THRB: variants seen among roughly 807,000 people sequenced by gnomAD.
THRB encodes the protein nuclear receptor subfamily 1 group A member 2.
THRB carries 12 observed loss-of-function variants against 47.8 expected under a neutral mutation model. That is an observed-to-expected ratio of 0.25 (90% CI 0.16 to 0.41). THRB has a LOEUF of 0.41. THRB is among the 10% of genes least tolerant of loss of function. The pLI, the probability that THRB is intolerant of heterozygous loss-of-function variation, is 1.00. For synonymous variants in THRB, 218 were observed against 212.2 expected (o/e 1.03, Z -0.24); for missense variants, 348 against 589.2 (o/e 0.59, Z 4.24).
chr3:24,320,357 G>T lies in THRB; in HGVS notation c.-189+16943C>A, dbSNP rs528295887. ...AATAAGAGTTGAACCGGATTATCAC[G>T]TGAGGAGCTGCAGAATTTCTTTTAC... On this transcript the variant is annotated intron_variant, in intron 2 of 10. Coordinates refer to ENST00000646209, the MANE Select transcript of THRB (RefSeq NM_001354712.2). 5.3e-5 allele frequency among the ~76,000 whole-genome samples: 8 copies of T among 152,278 alleles called. No homozygotes were observed. In the East Asian group the frequency reaches 1.4e-3, roughly 26 times the overall value.
chr3:24,411,606 G>T (rs775553467), intron 1 of THRB, among the ~76,000 whole-genome samples: 3 of 151,556 alleles, frequency 2.0e-5, no homozygotes, highest in African/African-American at 7.3e-5. Context: ...AATTTATTAC[G>T]CTACATGCTG....
At chr3:24,449,868 T>G (rs549121910) in intron 1 of THRB, among the ~76,000 whole-genome samples, 11 of 152,320 alleles carry the variant, frequency 7.2e-5, no homozygotes, top group African/African-American at 2.6e-4. Context: ...ACTTGGCTCT[T>G]AAGTTTTTAG....
At position 24,270,478 on chromosome 3, in the gene THRB, C is replaced by T. The variant is rs531052156; in HGVS notation, c.-43+26748G>A. On this transcript the variant is annotated intron_variant, in intron 3 of 10. Coordinates refer to ENST00000646209, the MANE Select transcript of THRB (RefSeq NM_001354712.2). ...GTTGCCATTTAATCAAGTGAGCCTGCAGGCTTAGGTGCTAACATTATGAGC... is the reference window on the plus strand; with the variant it reads ...GTTGCCATTTAATCAAGTGAGCCTGTAGGCTTAGGTGCTAACATTATGAGC... Among the ~76,000 whole-genome samples, 20 of 152,322 alleles carry T rather than the reference C, an allele frequency of 1.3e-4. No individual in the cohort carries two copies. In the South Asian group the frequency reaches 1.4e-3, roughly 11 times the overall value.
chr3:24,244,099 G>C (rs572272414), intron 3 of THRB, among the ~76,000 whole-genome samples: 12 of 152,108 alleles, frequency 7.9e-5, no homozygotes, highest in Non-Finnish European at 1.5e-4. Flanking sequence ...ATTGGTTTAA[G>C]GATGGGGAGT....
At chr3:24,273,267 A>T (rs1241193776) in intron 3 of THRB, among the ~76,000 whole-genome samples, 1 of 152,164 alleles carries the variant, frequency 6.6e-6, no homozygotes, top group Non-Finnish European at 1.5e-5. Flanking sequence ...AGTAGCTACA[A>T]TGTGTCAGGC....
At chr3:24,266,815 G>A (rs1358176945) in intron 3 of THRB, among the ~76,000 whole-genome samples, 1 of 152,016 alleles carries the variant, frequency 6.6e-6, no homozygotes, top group Non-Finnish European at 1.5e-5. Context: ...AATCTGGACA[G>A]ACCTTCCATA....
intron 2 of THRB, among the ~76,000 whole-genome samples, chr3:24,319,335 A>G (rs918295192): frequency 6.6e-6 from 1 of 152,260 alleles, no homozygotes; most frequent in Non-Finnish European, 1.5e-5. Flanking sequence ...TTACACAAGA[A>G]AATGAATAAA....
At chr3:24,429,562 G>T (rs1189335503) in intron 1 of THRB, among the ~76,000 whole-genome samples, 2 of 151,980 alleles carry the variant, frequency 1.3e-5, no homozygotes. Context: ...TATTGATTTG[G>T]GTGAAGACGA....
intron 1 of THRB, among the ~76,000 whole-genome samples, chr3:24,390,384 G>A (rs772915577): frequency 2.6e-5 from 4 of 152,086 alleles, no homozygotes; most frequent in Non-Finnish European, 5.9e-5. Context: ...GACTTACTAT[G>A]TTGATCAGCA....
intron 3 of THRB, among the ~76,000 whole-genome samples, chr3:24,286,643 C>T (rs1306466872): frequency 1.3e-5 from 2 of 152,250 alleles, no homozygotes; most frequent in Admixed American, 6.5e-5. Context: ...TCAAGCTCGA[C>T]GCATTTCACT....
At chr3:24,250,773 T>C (rs991208969) in intron 3 of THRB, among the ~76,000 whole-genome samples, 3 of 152,100 alleles carry the variant, frequency 2.0e-5, no homozygotes, top group Admixed American at 6.6e-5. Context: ...GGAAACACAA[T>C]AGTGGTTGTT....
At chr3:24,209,238 G>A (rs1186857208) in intron 4 of THRB, among the ~76,000 whole-genome samples, 7 of 152,218 alleles carry the variant, frequency 4.6e-5, no homozygotes, top group African/African-American at 1.4e-4. Flanking sequence ...GTGTTGGTGG[G>A]ACTGTAAACT....
chr3:24,271,312 ATC>A (rs1365131121), intron 3 of THRB, among the ~76,000 whole-genome samples: 5 of 152,208 alleles, frequency 3.3e-5, no homozygotes, highest in Admixed American at 6.5e-5. Context: ...TCTCTGTTCT[ATC>A]TCTCAGGATC....
intron 1 of THRB, among the ~76,000 whole-genome samples, chr3:24,361,413 TA>T (rs2149650244): frequency 6.6e-6 from 1 of 152,252 alleles, no homozygotes; most frequent in Admixed American, 6.5e-5. Context: ...GGAGAATGAA[TA>T]ATCTGTGCCT....
chr3:24,143,398 A>C lies in THRB; in HGVS notation c.738+103T>G. On this transcript the variant is annotated intron_variant, in intron 8 of 10. Transcript: ENST00000646209. ...AGAGCTACGGTTTCCCTATCAGTAA[A>C]ATGAGGCAATAACACCAGTATCCCA... is the stretch of plus-strand genomic sequence containing the variant. 4.3e-6 allele frequency: 5 copies of C among 1,155,852 alleles called. 1 individual carries two copies. Among genetic ancestry groups the C allele is most frequent in the Non-Finnish European group, 6.5e-6 (5 of 769,150 alleles). 71.6% of individuals were successfully genotyped at this position (1,155,852 alleles called of 1,614,324 possible). A position where few individuals can be genotyped will look rare whatever the true frequency, so the allele number is the denominator to read the frequency against.
At chr3:24,166,755 T>A (rs1318342324) in intron 5 of THRB, among the ~76,000 whole-genome samples, 1 of 152,136 alleles carries the variant, frequency 6.6e-6, no homozygotes, top group Non-Finnish European at 1.5e-5. Flanking sequence ...TTCCTGCTGG[T>A]CCATGAGCAT....
intron 3 of THRB, among the ~76,000 whole-genome samples, chr3:24,279,706 G>A (rs1358025933): frequency 6.6e-6 from 1 of 151,990 alleles, no homozygotes; most frequent in African/African-American, 2.4e-5. Context: ...AATGCAATGA[G>A]TTCTTGTTCT....
intron 2 of THRB, among the ~76,000 whole-genome samples, chr3:24,310,289 A>G (rs2057664612): frequency 6.6e-6 from 1 of 152,246 alleles, no homozygotes; most frequent in Admixed American, 6.5e-5. Flanking sequence ...ATAGGAAACG[A>G]TTTACCAATA....
rs559325556 is a variant in THRB, at chr3:24,118,973, GTTTTTTTTTTTTTTTTTTT to G, written c.*3892_*3910del. The stretch of plus-strand genomic sequence containing the variant: ...GCCAAACCTTTTTTCCCCCAGTCTG[GTTTTTTTTTTTTTTTTTTT>G]TTTTTTTTTTTGAGTGTGTTTTTAA... On this transcript the variant is annotated 3_prime_UTR_variant, in exon 11 of 11. Transcript: ENST00000646209. 3 of 49,530 alleles carry G rather than the reference GTTTTTTTTTTTTTTTTTTT, an allele frequency of 6.1e-5. No homozygotes were observed. The highest frequency in any genetic ancestry group is 2.8e-4 in the Admixed American group (1 of 3,626). The allele number at this position is 49,530 out of a possible 1,614,324, so 3.1% of individuals were successfully genotyped here. A position where few individuals can be genotyped will look rare whatever the true frequency, so the allele number is the denominator to read the frequency against.
Sources: gnomAD v4.1 joint callset for allele counts (sites outside exome capture counted in the v4.1 genomes callset) on GRCh38, gnomAD v4.1.1 for gene constraint, MANE v1.5 for transcripts, NCBI Gene and HGNC (gene_info 2026-07-23, HGNC 2026-07-21) for gene names.